Variants in CNTN4 observed in about 807,000 individuals in gnomAD.
CNTN4 encodes the protein contactin 4.
In CNTN4, 77 loss-of-function variants were observed where a neutral mutation model predicts 122.5. That is an observed-to-expected ratio of 0.63 (90% confidence interval 0.52 to 0.76). The LOEUF is 0.76. CNTN4 is among the 30% of genes least tolerant of loss of function. The pLI is 0.00. For missense variants in CNTN4, 1,256 were observed against 1,259.1 expected (o/e 1.00, Z 0.04); for synonymous variants, 512 against 447.0 (o/e 1.15, Z -1.83).
chr3:2,460,999 C>T (rs2049185904), intron 3 of CNTN4, among the ~76,000 whole-genome samples: 1 of 151,940 alleles, frequency 6.6e-6, no homozygotes, highest in Admixed American at 6.6e-5. Flanking sequence ...TCTAGGAAGC[C>T]CCTGTCCTTC....
intron 4 of CNTN4, among the ~76,000 whole-genome samples, chr3:2,591,904 G>T (rs990355962): frequency 6.6e-6 from 1 of 151,942 alleles, no homozygotes; most frequent in African/African-American, 2.4e-5. Context: ...TTGAGGCAGG[G>T]TCTCGTTCTG....
chr3:2,900,633 G>GT lies in CNTN4; in HGVS notation c.941-52_941-51insT. 3.1e-6 allele frequency: 5 copies of GT among 1,587,914 alleles called. No homozygotes were observed. The Admixed American group carries it at 8.3e-5, about 26-fold the overall frequency. On this transcript the variant is annotated intron_variant, in intron 10 of 24. Coordinates refer to ENST00000418658, the MANE Select transcript of CNTN4 (RefSeq NM_175607.3). ...CCTTTGATTGAATATGATAAAAATA[G>GT]ATTGAGTACACACTGAATATACACC... is the stretch of plus-strand genomic sequence containing the variant.
intron 22 of CNTN4, among the ~76,000 whole-genome samples, 159 bp downstream of exon 22, chr3:3,043,322 C>T (rs1445761284): frequency 2.6e-5 from 4 of 152,160 alleles, no homozygotes; most frequent in African/African-American, 4.8e-5. Flanking sequence ...GTATACCACG[C>T]AAAATTCATT....
intron 6 of CNTN4, among the ~76,000 whole-genome samples, chr3:2,769,474 A>AC (rs529146882): frequency 1.3e-4 from 19 of 151,610 alleles, no homozygotes; most frequent in Non-Finnish European, 2.7e-4. Context: ...CAAAAAAAAA[A>AC]AAAACAGAAA....
intron 4 of CNTN4, among the ~76,000 whole-genome samples, chr3:2,588,290 T>C (rs1445508883): frequency 6.6e-6 from 1 of 152,166 alleles, no homozygotes; most frequent in South Asian, 2.1e-4. Context: ...ACTTTATTTT[T>C]AGTTTAATCA....
intron 2 of CNTN4, among the ~76,000 whole-genome samples, chr3:2,160,425 G>A (rs1362492428): frequency 6.6e-6 from 1 of 152,112 alleles, no homozygotes; most frequent in Non-Finnish European, 1.5e-5. Context: ...CCTTATATTA[G>A]TTATCTTGCT....
At chr3:2,466,687 A>G (rs2075509200) in intron 3 of CNTN4, among the ~76,000 whole-genome samples, 1 of 152,126 alleles carries the variant, frequency 6.6e-6, no homozygotes, top group East Asian at 1.9e-4. Context: ...CATTTTGACT[A>G]TTGTTTTCAT....
At chr3:2,563,299 A>G (rs2149440843) in intron 3 of CNTN4, among the ~76,000 whole-genome samples, 1 of 152,306 alleles carries the variant, frequency 6.6e-6, no homozygotes. Context: ...AGTGCATAAA[A>G]TATACAATAA....
intron 13 of CNTN4, among the ~76,000 whole-genome samples, chr3:2,963,455 A>G (rs1183760136): frequency 1.3e-5 from 2 of 152,154 alleles, no homozygotes; most frequent in Admixed American, 1.3e-4. Flanking sequence ...TTAGCAGCCA[A>G]TCTCATTTCT....
intron 4 of CNTN4, among the ~76,000 whole-genome samples, chr3:2,607,743 T>G (rs949065109): frequency 6.6e-6 from 1 of 151,956 alleles, no homozygotes; most frequent in Non-Finnish European, 1.5e-5. Context: ...ATCTGCCCTT[T>G]TTAAATGCTA....
chr3:2,519,242 A>G (rs2077128597), intron 3 of CNTN4, among the ~76,000 whole-genome samples: 1 of 152,172 alleles, frequency 6.6e-6, no homozygotes, highest in Non-Finnish European at 1.5e-5. Flanking sequence ...TATTCTGATA[A>G]GGGCTCTTCT....
intron 2 of CNTN4, among the ~76,000 whole-genome samples, chr3:2,202,124 C>A (rs907381911): frequency 3.9e-5 from 6 of 152,202 alleles, no homozygotes; most frequent in African/African-American, 1.4e-4. Flanking sequence ...AATTATGACA[C>A]CCCCTCCCCA....
chr3:2,170,712 T>C (rs1376614770), intron 2 of CNTN4, among the ~76,000 whole-genome samples: 2 of 152,158 alleles, frequency 1.3e-5, no homozygotes, highest in Non-Finnish European at 2.9e-5. Context: ...GAAGAGGGAA[T>C]GGGAGACTTT....
intron 2 of CNTN4, among the ~76,000 whole-genome samples, chr3:2,288,345 G>T (rs943355143): frequency 3.9e-5 from 6 of 152,072 alleles, no homozygotes; most frequent in African/African-American, 1.4e-4. Flanking sequence ...AGATCACAGG[G>T]CCAGAAGGAA....
At position 2,834,898 on chromosome 3, in the gene CNTN4, C is replaced by CTTTTTT. The variant is rs71058653; in HGVS notation, c.454+15336_454+15341dup. The stretch of plus-strand genomic sequence containing the variant: ...AAGCATTAAATTAGATAAAGGCAAC[C>CTTTTTT]TTTTTTTTTTTTTTTTTTTTTTTTG... On this transcript the variant is annotated intron_variant, in intron 7 of 24. Transcript: ENST00000418658. 2.0e-3 allele frequency among the ~76,000 whole-genome samples: 120 copies of CTTTTTT among 60,454 alleles called. 14 individuals are homozygous for CTTTTTT. The highest frequency in any genetic ancestry group is 2.9e-3 in the African/African-American group (38 of 13,266). The allele number at this position is 60,454 out of a possible 152,430, so 39.7% of individuals were successfully genotyped here. A position where few individuals can be genotyped will look rare whatever the true frequency, so the allele number is the denominator to read the frequency against.
In CNTN4 at chr3:2,942,604, G is replaced by A. The variant is rs149565536; in HGVS notation, c.1358+16825G>A. Among the ~76,000 whole-genome samples, 5 of 152,254 alleles carry A rather than the reference G, an allele frequency of 3.3e-5. No individual in the cohort carries two copies. In the South Asian group the frequency reaches 1.0e-3, roughly 32 times the overall value. ...CTTCTGTGAGGTAGGGCCAAATATAGAGCTTTTTAATGGTGAAGCTTGATG... is the reference window on the plus strand; with the variant it reads ...CTTCTGTGAGGTAGGGCCAAATATAAAGCTTTTTAATGGTGAAGCTTGATG... On this transcript the variant is annotated intron_variant, in intron 13 of 24. Transcript: ENST00000418658.
intron 2 of CNTN4, among the ~76,000 whole-genome samples, chr3:2,188,723 G>T (rs957627218): frequency 6.6e-6 from 1 of 152,176 alleles, no homozygotes; most frequent in Admixed American, 6.5e-5. Context: ...GAAGATGCTG[G>T]TGCTGGGCCT....
At chr3:2,503,072 G>T (rs1668155514) in intron 3 of CNTN4, among the ~76,000 whole-genome samples, 1 of 152,138 alleles carries the variant, frequency 6.6e-6, no homozygotes, top group Non-Finnish European at 1.5e-5. Flanking sequence ...TGCCATCAGG[G>T]TGTCATAGTC....
rs574188139 is a variant in CNTN4, at chr3:2,402,475, A to G, written c.-89+63242A>G. Among the ~76,000 whole-genome samples the G allele has an allele frequency of 9.9e-4, 151 of 152,280 alleles. 1 individual carries two copies. Among genetic ancestry groups the G allele is most frequent in the Non-Finnish European group, 1.3e-3 (91 of 68,012 alleles). Reference sequence around the variant, plus strand: ...GTACATGGGATATTTTGAAACAAACATACAATGTGTAATTATTAAATCAGG... The same window carrying G: ...GTACATGGGATATTTTGAAACAAACGTACAATGTGTAATTATTAAATCAGG... On this transcript the variant is annotated intron_variant, in intron 3 of 24. Transcript: ENST00000418658.
Sources: allele counts gnomAD v4.1 joint callset (sites outside exome capture counted in the v4.1 genomes callset), GRCh38; gene constraint gnomAD v4.1.1; transcripts MANE v1.5; gene names NCBI Gene and HGNC (gene_info 2026-07-23, HGNC 2026-07-21).